The following WDFY3 variants were observed in gnomAD, a reference collection of about 807,000 sequenced individuals.
WDFY3 encodes WD repeat and FYVE domain containing 3, also known as WD repeat and FYVE domain-containing protein 3.
In WDFY3, 66 loss-of-function variants were observed where a neutral mutation model predicts 409.6. The observed-to-expected ratio is 0.16, with a 90% CI of 0.13 to 0.20. The LOEUF is 0.20. Among genes scored for constraint, WDFY3 ranks in the 10% least tolerant of loss-of-function variants. The pLI, the probability that WDFY3 is intolerant of heterozygous loss-of-function variation, is 1.00. For synonymous variants in WDFY3, 1,521 were observed against 1,537.1 expected, an observed-to-expected ratio of 0.99 and a Z score of 0.25; for missense variants, 3,031 against 4,298.1, an observed-to-expected ratio of 0.71 and a Z score of 8.24.
chr4:84,809,147 G>A (rs1258102410), intron 14 of WDFY3: 3 of 152,194 alleles, frequency 2.0e-5, no homozygotes, highest in Non-Finnish European at 4.4e-5. Context: ...TGAAAACACA[G>A]TTGAAGCACT....
Position 84,757,172 on chromosome 4 carries a change from A to G in WDFY3, c.5189-11T>C. On this transcript the variant is annotated splice_polypyrimidine_tract_variant and intron_variant, in intron 32 of 67. Transcript: ENST00000295888. ...TGCCCACGTTGAATCCTAAGAGAAG[A>G]GGAATATAACAGTAAGTGCAAAATC... 1 of 1,611,376 alleles carries G rather than the reference A, an allele frequency of 6.2e-7. No individual in the cohort carries two copies. The highest frequency in any genetic ancestry group is 8.5e-7 in the Non-Finnish European group (1 of 1,177,662).
chr4:84,770,540 G>A (rs1744498276), intron 30 of WDFY3, among the ~76,000 whole-genome samples: 1 of 152,106 alleles, frequency 6.6e-6, no homozygotes, highest in Non-Finnish European at 1.5e-5. Context: ...CTAACGCTCA[G>A]GCTAAAGTTT....
Position 84,683,983 on chromosome 4 carries a change from T to C in WDFY3, c.9686A>G (p.Gln3229Arg). The C allele has an allele frequency of 6.2e-7, 1 of 1,612,696 alleles. No individual in the cohort carries two copies. Among genetic ancestry groups the C allele is most frequent in the Non-Finnish European group, 8.5e-7 (1 of 1,178,794 alleles). Residue 3229 changes from glutamine to arginine, a missense_variant, in exon 63 of 68, where the codon CAG (glutamine) becomes CGG (arginine). This residue lies in a region of WDFY3 where 378 missense variants were observed against 477.3 expected (regional missense o/e 0.79). Transcript: ENST00000295888. ...TGAGTGTCCTGTCACTATGACGTTC[T>C]GCGTGTCCCATTCGTTCATCTCCGA... ...CMSEMNEWDT[Q>R]NVIVTGHSDG...
intron 3 of WDFY3, among the ~76,000 whole-genome samples, chr4:84,890,951 A>G (rs1764869495): frequency 6.6e-6 from 1 of 152,184 alleles, no homozygotes; most frequent in Non-Finnish European, 1.5e-5. Flanking sequence ...CACTGTGCCC[A>G]TTGTGAATTT....
intron 1 of WDFY3, among the ~76,000 whole-genome samples, chr4:84,956,788 G>C (rs537280526): frequency 6.6e-6 from 1 of 152,036 alleles, no homozygotes; most frequent in East Asian, 1.9e-4. Context: ...TCTGCTATTG[G>C]ATCAGCATAA....
chr4:84,860,369 C>G (rs759847024), intron 4 of WDFY3, 43 bp downstream of exon 4: 2 of 1,549,042 alleles, frequency 1.3e-6, no homozygotes, highest in Admixed American at 3.6e-5. Flanking sequence ...TCTTGTAGTG[C>G]CCCCCAGTCC....
intron 3 of WDFY3, among the ~76,000 whole-genome samples, chr4:84,884,778 C>T (rs2150434543): frequency 6.6e-6 from 1 of 152,210 alleles, no homozygotes; most frequent in East Asian, 1.9e-4. Context: ...ATCTCAGAGG[C>T]AGACCCATAT....
chr4:84,805,119 C>T (rs1751299462), intron 15 of WDFY3, among the ~76,000 whole-genome samples: 1 of 152,062 alleles, frequency 6.6e-6, no homozygotes, highest in Non-Finnish European at 1.5e-5. Context: ...AAAAATATTA[C>T]ATAAAATTAT....
At chr4:84,779,103 A>T (rs1422831403) in intron 26 of WDFY3, among the ~76,000 whole-genome samples, 1 of 152,170 alleles carries the variant, frequency 6.6e-6, no homozygotes, top group Non-Finnish European at 1.5e-5. Context: ...AAAAGGTTGA[A>T]TGATAGTCTA....
At chr4:84,834,312 C>T (rs1038486268) in intron 7 of WDFY3, among the ~76,000 whole-genome samples, 9 of 152,126 alleles carry the variant, frequency 5.9e-5, no homozygotes, top group African/African-American at 1.7e-4. Flanking sequence ...TAATCTAGTA[C>T]GATCCTTTCA....
chr4:84,712,277 G>A (rs971865858), intron 51 of WDFY3, among the ~76,000 whole-genome samples: 3 of 150,350 alleles, frequency 2.0e-5, no homozygotes, highest in East Asian at 2.0e-4. Flanking sequence ...GCTGAGAATC[G>A]CTTGAGCCCA....
At chr4:84,682,260 C>G (rs932733445) in intron 64 of WDFY3, 114 bp downstream of exon 64, 1 of 909,564 alleles carries the variant, frequency 1.1e-6, no homozygotes, top group South Asian at 1.7e-5. Context: ...CCATGCTTCT[C>G]CAAGCAGTGC....
At chr4:84,763,464 G>T (rs763874945) in intron 32 of WDFY3, among the ~76,000 whole-genome samples, 8 of 151,948 alleles carry the variant, frequency 5.3e-5, no homozygotes, top group Non-Finnish European at 1.0e-4. Context: ...GGGCTGATAG[G>T]TGCAGCAAAC....
chr4:84,866,453 G>A (rs938811553), intron 3 of WDFY3, among the ~76,000 whole-genome samples: 4 of 152,198 alleles, frequency 2.6e-5, no homozygotes, highest in Non-Finnish European at 5.9e-5. Context: ...GGCCAGAGTA[G>A]CAAAGGATCA....
chr4:84,744,538 CA>C (rs1739016872), intron 36 of WDFY3, among the ~76,000 whole-genome samples: 1 of 152,018 alleles, frequency 6.6e-6, no homozygotes, highest in Non-Finnish European at 1.5e-5. Flanking sequence ...CTGTGCAATA[CA>C]GCAAGAACCT....
chr4:84,804,239 G>C (rs1751138742), intron 15 of WDFY3: 1 of 152,008 alleles, frequency 6.6e-6, no homozygotes, highest in Non-Finnish European at 1.5e-5. Context: ...TTTGCATCTT[G>C]GCACTAAGAA....
intron 6 of WDFY3, among the ~76,000 whole-genome samples, chr4:84,840,471 T>G (rs1348303724): frequency 6.6e-6 from 1 of 152,210 alleles, no homozygotes; most frequent in Non-Finnish European, 1.5e-5. Context: ...TTCCCTAACA[T>G]CAGTGACAAA....
At chr4:84,782,935 T>A (rs780532942) in intron 25 of WDFY3, 28 bp downstream of exon 25, 5 of 1,601,774 alleles carry the variant, frequency 3.1e-6, no homozygotes, top group Non-Finnish European at 4.3e-6. Context: ...ATAAAGAAGT[T>A]TGAAACAACA....
At chr4:84,840,404 T>C (rs1757158977) in intron 6 of WDFY3, among the ~76,000 whole-genome samples, 2 of 152,198 alleles carry the variant, frequency 1.3e-5, no homozygotes, top group South Asian at 4.1e-4. Flanking sequence ...ATTTGTTCTT[T>C]ATAAGCTGAG....
Sources: allele counts gnomAD v4.1 joint callset (sites outside exome capture counted in the v4.1 genomes callset), GRCh38; gene constraint gnomAD v4.1.1; regional missense constraint gnomAD v4.1.1; transcripts MANE v1.5; gene names NCBI Gene and HGNC (gene_info 2026-07-23, HGNC 2026-07-21).